Variants in R3HDM2 observed in about 807,000 individuals in gnomAD.
R3HDM2 encodes the protein R3H domain-containing protein 2.
A neutral mutation model predicts 124.5 loss-of-function variants in R3HDM2; 38 were observed. The observed-to-expected ratio is 0.31, with a 90% CI of 0.24 to 0.40. The LOEUF is 0.40. Ranked by LOEUF, R3HDM2 falls within the 10% of genes least tolerant of loss-of-function variation. The pLI is 1.00. For missense variants in R3HDM2, 869 were observed against 1,236.9 expected (o/e 0.70, Z 4.46); for synonymous variants, 391 against 448.0 (o/e 0.87, Z 1.61).
chr12:57,429,605 T>A (rs908617209), intron 1 of R3HDM2, among the ~76,000 whole-genome samples: 2 of 151,956 alleles, frequency 1.3e-5, no homozygotes, highest in African/African-American at 4.8e-5. Context: ...CCCAGCTACT[T>A]GGGGGACTGA....
At chr12:57,261,964 T>C (rs896794568) in intron 19 of R3HDM2, among the ~76,000 whole-genome samples, 1 of 152,042 alleles carries the variant, frequency 6.6e-6, no homozygotes, top group Admixed American at 6.6e-5. Context: ...GAAAGGTCGA[T>C]TGGGCACAGC....
At chr12:57,396,763 G>A (rs1466960591) in intron 1 of R3HDM2, among the ~76,000 whole-genome samples, 1 of 115,726 alleles carries the variant, frequency 8.6e-6, no homozygotes, top group African/African-American at 3.4e-5. Flanking sequence ...GGGTGACAGA[G>A]TGAGACTCTG....
In R3HDM2 at chr12:57,255,130, G is replaced by GAGGA. The variant is rs777083020; in HGVS notation, c.2633-21_2633-18dup. The stretch of plus-strand genomic sequence containing the variant: ...GCCCCAGGACTGGAAGGGGAGGAGA[G>GAGGA]AGGACATGGTTGTGAGAGGAATAGG... On this transcript the variant is annotated splice_polypyrimidine_tract_variant and intron_variant, in intron 23 of 23. Transcript: ENST00000402412. 53 of 1,560,544 alleles carry GAGGA rather than the reference G, an allele frequency of 3.4e-5. No homozygotes were observed. The highest frequency in any genetic ancestry group is 2.9e-4 in the Admixed American group (16 of 54,726).
At chr12:57,386,156 C>G (rs2065714786) in intron 2 of R3HDM2, among the ~76,000 whole-genome samples, 1 of 52,774 alleles carries the variant, frequency 1.9e-5, no homozygotes, top group Non-Finnish European at 4.0e-5. Flanking sequence ...GCTGGCAGCG[C>G]TCGCAGCCCT....
intron 2 of R3HDM2, among the ~76,000 whole-genome samples, chr12:57,337,613 A>G (rs937915039): frequency 1.3e-5 from 2 of 152,144 alleles, no homozygotes; most frequent in Non-Finnish European, 2.9e-5. Flanking sequence ...ATCAGCAAAA[A>G]CAAAAAACAA....
chr12:57,256,985 T>G (rs1178405242), intron 21 of R3HDM2, among the ~76,000 whole-genome samples: 1 of 152,000 alleles, frequency 6.6e-6, no homozygotes, highest in Non-Finnish European at 1.5e-5. Context: ...CTGGCTAATT[T>G]TTTTTTGTAT....
intron 1 of R3HDM2, among the ~76,000 whole-genome samples, chr12:57,415,690 G>A (rs2069518926): frequency 6.6e-6 from 1 of 151,920 alleles, no homozygotes; most frequent in South Asian, 2.1e-4. Flanking sequence ...TTAACCAAGT[G>A]ATCAAAGTTA....
At position 57,281,400 on chromosome 12, in the gene R3HDM2, A is replaced by G. The variant is rs1017208673; in HGVS notation, c.1172-870T>C. On this transcript the variant is annotated intron_variant, in intron 13 of 23. Transcript: ENST00000402412. The stretch of plus-strand genomic sequence containing the variant: ...CCAAGGCATGAACTCATTCAACACA[A>G]CATACTTTACTATGTGCCAAGCACT... Among the ~76,000 whole-genome samples the G allele has an allele frequency of 1.3e-5, 2 of 152,278 alleles. 1 individual carries two copies. The highest frequency in any genetic ancestry group is 1.3e-4 in the Admixed American group (2 of 15,288).
chr12:57,410,079 T>C (rs1289723781), intron 1 of R3HDM2, among the ~76,000 whole-genome samples: 1 of 152,180 alleles, frequency 6.6e-6, no homozygotes, highest in Non-Finnish European at 1.5e-5. Context: ...TTTTTTCTAC[T>C]GTCCCTAAAA....
chr12:57,335,398 G>A (rs1263245065), intron 2 of R3HDM2, among the ~76,000 whole-genome samples: 1 of 151,468 alleles, frequency 6.6e-6, no homozygotes, highest in African/African-American at 2.4e-5. Context: ...AGTAGACACG[G>A]GGTTTCACCA....
intron 2 of R3HDM2, among the ~76,000 whole-genome samples, chr12:57,316,108 G>A (rs563053591): frequency 1.3e-3 from 199 of 152,272 alleles, no homozygotes; most frequent in Middle Eastern, 3.4e-3. Context: ...AAAAAATTTA[G>A]TCAGTCATTC....
rs886841247 is a variant in R3HDM2, at chr12:57,296,025, G to A, written c.701+386C>T. ...GCTGGGATTACAGGCGCCTGCCACC[G>A]CGCCCGGCTAATTTTTGTATTTTTA... On this transcript the variant is annotated intron_variant, in intron 9 of 23. Coordinates refer to ENST00000402412, the MANE Select transcript of R3HDM2 (RefSeq NM_001394031.1). This position sits in a 1 kb window ranked among gnomAD's most constrained non-coding sequence, Gnocchi z 4.5. Among the ~76,000 whole-genome samples, 8 of 151,864 alleles carry A rather than the reference G, an allele frequency of 5.3e-5. No homozygotes were observed. The highest frequency in any genetic ancestry group is 4.1e-4 in the South Asian group (2 of 4,820).
chr12:57,353,825 G>A (rs1047838614), intron 2 of R3HDM2, among the ~76,000 whole-genome samples: 9 of 152,040 alleles, frequency 5.9e-5, no homozygotes, highest in African/African-American at 2.2e-4. Context: ...AGGGAAGAAT[G>A]GGTGTCTCTT....
intron 2 of R3HDM2, among the ~76,000 whole-genome samples, chr12:57,386,623 C>T (rs1231192891): frequency 1.3e-5 from 2 of 152,250 alleles, no homozygotes; most frequent in African/African-American, 4.8e-5. Flanking sequence ...GCGCCCAGTC[C>T]CACGGACAGC....
intron 2 of R3HDM2, among the ~76,000 whole-genome samples, chr12:57,314,172 G>C (rs1451554955): frequency 3.4e-5 from 5 of 145,772 alleles, no homozygotes; most frequent in Non-Finnish European, 6.0e-5. Flanking sequence ...TGGGCAACAA[G>C]AGCAAAAATC....
chr12:57,283,794 T>A lies in R3HDM2; in HGVS notation c.1171+30A>T. ...CAGGAGACAAGCAAGAAGGGATGGGTATGACATGGAAGAAAAGAAGCTGTA... is the reference window on the plus strand; with the variant it reads ...CAGGAGACAAGCAAGAAGGGATGGGAATGACATGGAAGAAAAGAAGCTGTA... On this transcript the variant is annotated intron_variant, in intron 13 of 23. Transcript: ENST00000402412. 6 of 1,597,306 alleles carry A rather than the reference T, an allele frequency of 3.8e-6. No individual in the cohort carries two copies. The South Asian group carries it at 6.6e-5, about 18-fold the overall frequency.
chr12:57,269,255 G>A (rs551138470), intron 16 of R3HDM2, 68 bp downstream of exon 16: 2 of 1,591,046 alleles, frequency 1.3e-6, no homozygotes, highest in East Asian at 4.5e-5. Context: ...AATGGAGAAG[G>A]TACTTCTTTC....
intron 2 of R3HDM2, among the ~76,000 whole-genome samples, chr12:57,364,224 T>G (rs1167335836): frequency 7.0e-6 from 1 of 143,762 alleles, no homozygotes; most frequent in Non-Finnish European, 1.5e-5. Flanking sequence ...CTCAGTCAAC[T>G]GCAACCTTCA....
chr12:57,292,406 T>A (rs984540888), intron 11 of R3HDM2, among the ~76,000 whole-genome samples, 166 bp downstream of exon 11: 2 of 152,200 alleles, frequency 1.3e-5, no homozygotes, highest in Non-Finnish European at 2.9e-5. Context: ...AGCTTCCCAA[T>A]AAGCCACATT....
Sources: allele counts gnomAD v4.1 joint callset (sites outside exome capture counted in the v4.1 genomes callset), GRCh38; gene constraint gnomAD v4.1.1; non-coding constraint Gnocchi (gnomAD v3.1); transcripts MANE v1.5; gene names NCBI Gene and HGNC (gene_info 2026-07-23, HGNC 2026-07-21).